Variants in HS3ST5 observed in about 807,000 individuals in gnomAD.
The protein encoded by HS3ST5 is heparan sulfate glucosamine 3-O-sulfotransferase 5.
Under a neutral mutation model 25.4 loss-of-function variants are expected in HS3ST5, and 10 were observed. The ratio of observed to expected loss-of-function variants is 0.39; its 90% CI spans 0.24 to 0.67. The LOEUF (loss-of-function observed/expected upper bound fraction) is 0.67, where lower values mean the gene tolerates loss of function less well. Among genes scored for constraint, HS3ST5 ranks in the 30% least tolerant of loss-of-function variants. The probability of loss-of-function intolerance (pLI) is 0.44; values close to 1 mark genes in which losing one functional copy is unlikely to be tolerated. For missense variants in HS3ST5, 324 were observed against 420.7 expected, an observed-to-expected ratio of 0.77 and a Z score of 2.01; for synonymous variants, 170 against 162.4, an observed-to-expected ratio of 1.05 and a Z score of -0.36.
At chr6:114,297,385 A>C (rs932702934) in intron 1 of HS3ST5, among the ~76,000 whole-genome samples, 19 of 152,130 alleles carry the variant, frequency 1.2e-4, no homozygotes, top group Admixed American at 1.2e-3. Flanking sequence ...CTGTAGATGC[A>C]CCCAGCCAAG....
intron 2 of HS3ST5, among the ~76,000 whole-genome samples, chr6:114,200,988 C>T (rs1780986206): frequency 6.6e-6 from 1 of 152,176 alleles, no homozygotes; most frequent in Admixed American, 6.5e-5. Flanking sequence ...AGGCTTAACT[C>T]TATTGTGAAA....
At chr6:114,124,257 C>T (rs1207723941) in intron 3 of HS3ST5, among the ~76,000 whole-genome samples, 1 of 152,130 alleles carries the variant, frequency 6.6e-6, no homozygotes, top group Non-Finnish European at 1.5e-5. Flanking sequence ...CATACAATCC[C>T]AGCTCCTGAG....
At chr6:114,150,463 G>C (rs1778396164) in intron 3 of HS3ST5, among the ~76,000 whole-genome samples, 1 of 152,200 alleles carries the variant, frequency 6.6e-6, no homozygotes, top group African/African-American at 2.4e-5. Flanking sequence ...ATCAAAATAA[G>C]TATTTACTTC....
intron 3 of HS3ST5, among the ~76,000 whole-genome samples, chr6:114,115,758 T>C (rs1231480477): frequency 6.6e-6 from 1 of 152,080 alleles, no homozygotes; most frequent in East Asian, 1.9e-4. Flanking sequence ...CAAGCAGGCT[T>C]CTATGATTGA....
chr6:114,269,500 T>C (rs1773547065), intron 1 of HS3ST5, among the ~76,000 whole-genome samples: 1 of 152,138 alleles, frequency 6.6e-6, no homozygotes, highest in Middle Eastern at 3.2e-3. Flanking sequence ...TCTCAAAGGG[T>C]TAACCATAAA....
intron 2 of HS3ST5, among the ~76,000 whole-genome samples, chr6:114,218,666 T>A (rs1322896442): frequency 6.6e-6 from 1 of 152,130 alleles, no homozygotes; most frequent in Admixed American, 6.5e-5. Flanking sequence ...CCTAAAGAAA[T>A]GAAAAATGCC....
chr6:114,092,620 CAT>C (rs1775180110), intron 3 of HS3ST5, among the ~76,000 whole-genome samples: 1 of 151,088 alleles, frequency 6.6e-6, no homozygotes, highest in Admixed American at 6.6e-5. Flanking sequence ...TAAAAATCAA[CAT>C]ATATGTTGTA....
At chr6:114,197,128 CT>C (rs201077147) in intron 2 of HS3ST5, among the ~76,000 whole-genome samples, 32,291 of 142,260 alleles carry the variant, frequency 0.23, 3,492 homozygotes, top group Middle Eastern at 0.27. Flanking sequence ...TTCTTTCTTT[CT>C]TTTTTTTTTT....
intron 1 of HS3ST5, among the ~76,000 whole-genome samples, chr6:114,327,947 C>T (rs186504153): frequency 2.6e-5 from 4 of 152,068 alleles, no homozygotes; most frequent in Non-Finnish European, 4.4e-5. Flanking sequence ...TGAATGTCTA[C>T]GTGATGCTTG....
chr6:114,147,256 C>A (rs548639086), intron 3 of HS3ST5, among the ~76,000 whole-genome samples: 1 of 152,168 alleles, frequency 6.6e-6, no homozygotes, highest in African/African-American at 2.4e-5. Flanking sequence ...ATTTGGGGTA[C>A]GAACTCAGAT....
intron 2 of HS3ST5, among the ~76,000 whole-genome samples, chr6:114,226,089 A>T (rs556275282): frequency 6.6e-6 from 1 of 151,992 alleles, no homozygotes; most frequent in African/African-American, 2.4e-5. Context: ...AACTAAACGT[A>T]TGTTACACCA....
intron 2 of HS3ST5, among the ~76,000 whole-genome samples, chr6:114,187,193 C>G (rs1441427583): frequency 6.6e-6 from 1 of 152,166 alleles, no homozygotes; most frequent in Non-Finnish European, 1.5e-5. Context: ...TTTTGACTTT[C>G]CAGTCTTATT....
At chr6:114,186,831 T>C (rs1780238973) in intron 2 of HS3ST5, among the ~76,000 whole-genome samples, 1 of 152,212 alleles carries the variant, frequency 6.6e-6, no homozygotes, top group African/African-American at 2.4e-5. Context: ...CTAATGACTT[T>C]ATTTTGAAGC....
chr6:114,175,189 C>G (rs559646050), intron 2 of HS3ST5, among the ~76,000 whole-genome samples: 1 of 152,190 alleles, frequency 6.6e-6, no homozygotes, highest in South Asian at 2.1e-4. Flanking sequence ...CTTGATATGG[C>G]TGTGTCACTA....
intron 2 of HS3ST5, among the ~76,000 whole-genome samples, chr6:114,186,230 A>G (rs1780210732): frequency 6.6e-6 from 1 of 152,118 alleles, no homozygotes; most frequent in African/African-American, 2.4e-5. Context: ...ATTAAACTTA[A>G]CGAGAAAGAC....
chr6:114,097,297 G>C (rs1159145797), intron 3 of HS3ST5, among the ~76,000 whole-genome samples: 1 of 151,762 alleles, frequency 6.6e-6, no homozygotes, highest in African/African-American at 2.4e-5. Flanking sequence ...TAAAAGGCTT[G>C]GTCCTATGTG....
intron 2 of HS3ST5, among the ~76,000 whole-genome samples, chr6:114,226,086 C>T (rs987621130): frequency 6.6e-6 from 1 of 151,874 alleles, no homozygotes; most frequent in Non-Finnish European, 1.5e-5. Flanking sequence ...TGAAACTAAA[C>T]GTATGTTACA....
At chr6:114,204,394 T>A (rs1463450971) in intron 2 of HS3ST5, among the ~76,000 whole-genome samples, 1 of 152,170 alleles carries the variant, frequency 6.6e-6, no homozygotes, top group Non-Finnish European at 1.5e-5. Context: ...TTTCTTTGAA[T>A]GTAGGACTGG....
chr6:114,120,361 T>A (rs550993849), intron 3 of HS3ST5, among the ~76,000 whole-genome samples: 1 of 152,330 alleles, frequency 6.6e-6, no homozygotes, highest in East Asian at 1.9e-4. Context: ...AGCCCTACAT[T>A]TATACAGTAA....
Sources: allele counts gnomAD v4.1 joint callset (sites outside exome capture counted in the v4.1 genomes callset), GRCh38; gene constraint gnomAD v4.1.1; transcripts MANE v1.5; gene names NCBI Gene and HGNC (gene_info 2026-07-23, HGNC 2026-07-21).